DOCK8: variants seen among roughly 807,000 people sequenced by gnomAD.
DOCK8 encodes dedicator of cytokinesis 8, also known as dedicator of cytokinesis protein 8.
DOCK8 carries 141 observed loss-of-function variants against 245.6 expected under a neutral mutation model. The ratio of observed to expected loss-of-function variants is 0.57; its 90% CI spans 0.50 to 0.66. DOCK8 has a LOEUF of 0.66. DOCK8 is among the 30% of genes least tolerant of loss of function. The pLI, the probability that DOCK8 is intolerant of heterozygous loss-of-function variation, is 0.00. For synonymous variants in DOCK8, 1,168 were observed against 970.2 expected (o/e 1.20, Z -3.79); for missense variants, 2,965 against 2,603.4 (o/e 1.14, Z -3.02).
intron 5 of DOCK8, among the ~76,000 whole-genome samples, chr9:305,328 G>C (rs1253772457): frequency 4.6e-5 from 7 of 151,700 alleles, no homozygotes; most frequent in African/African-American, 1.7e-4. Flanking sequence ...TGTCGCCCAG[G>C]CTGGACTGCA....
intron 1 of DOCK8, among the ~76,000 whole-genome samples, chr9:229,850 C>G (rs978238204): frequency 1.6e-4 from 24 of 151,954 alleles, no homozygotes; most frequent in African/African-American, 5.8e-4. Flanking sequence ...ATGGTTTAAA[C>G]AAATTAGGGG....
chr9:215,024 C>G lies in DOCK8; in HGVS notation c.48C>G (p.Ile16Met), dbSNP rs1316350320. 1.9e-6 allele frequency: 3 copies of G among 1,587,374 alleles called. No individual in the cohort carries two copies. The highest frequency in any genetic ancestry group is 1.4e-5 in the African/African-American group (1 of 73,008). Residue 16 changes from isoleucine to methionine, a missense_variant, in exon 1 of 48, where the codon ATC becomes ATG. This residue lies in a region of DOCK8 where 2,825 missense variants were observed against 2,453.5 expected (regional missense o/e 1.15). Coordinates refer to ENST00000432829, the MANE Select transcript of DOCK8 (RefSeq NM_203447.4). ...AGCGCCGCGCGTTCGCGCTCAAGAT[C>G]AACAGGTAAGACGCCCCCCGCGGCG... ...SAERRAFALK[I>M]NRYSSAEIRK...
chr9:265,647 C>T (rs992807877), intron 1 of DOCK8, among the ~76,000 whole-genome samples: 9 of 152,132 alleles, frequency 5.9e-5, no homozygotes, highest in African/African-American at 2.2e-4. Flanking sequence ...TAAAATCCAT[C>T]CAGCCATTTT....
At chr9:381,996 T>C (rs10973253) in intron 21 of DOCK8, among the ~76,000 whole-genome samples, 16,604 of 151,832 alleles carry the variant, frequency 0.11, 2,642 homozygotes, top group African/African-American at 0.35. Context: ...ATCTCATAGA[T>C]TTCCATAACC....
intron 25 of DOCK8, 76 bp from the exon 26 acceptor site, chr9:399,070 A>T: frequency 7.3e-7 from 1 of 1,376,222 alleles, no homozygotes; most frequent in South Asian, 1.2e-5. Flanking sequence ...GTCTCTCCCA[A>T]TGTTCCCACC....
intron 26 of DOCK8, among the ~76,000 whole-genome samples, chr9:402,425 C>A (rs2055155058): frequency 6.6e-6 from 1 of 151,418 alleles, no homozygotes; most frequent in Non-Finnish European, 1.5e-5. Flanking sequence ...TGCAAAAAAA[C>A]TAGGCTGGAT....
chr9:265,565 C>T (rs2129846536), intron 1 of DOCK8, among the ~76,000 whole-genome samples: 1 of 152,220 alleles, frequency 6.6e-6, no homozygotes, highest in African/African-American at 2.4e-5. Flanking sequence ...ATGTCAGATT[C>T]AGGAAAACCT....
rs1389473711 is a variant in DOCK8, at chr9:390,544, C to A, written c.2948C>A (p.Ala983Asp). 1 of 1,614,144 alleles carries A rather than the reference C, an allele frequency of 6.2e-7. No homozygotes were observed. Among genetic ancestry groups the A allele is most frequent in the Non-Finnish European group, 8.5e-7 (1 of 1,179,992 alleles). ...GTGAGAGAAACAGTCTTCAAGTATG[C>A]CTGGTTCTTCTTTGAGCTTCTGGTG... The part of the protein sequence containing the change: ...GMVRETVFKY[A>D]WFFFELLVKS... Residue 983 changes from alanine to aspartate, a missense_variant, in exon 24 of 48, where the codon GCC becomes GAC. Ala to Asp is a moderately radical substitution (Grantham distance 126). Coordinates refer to ENST00000432829, the MANE Select transcript of DOCK8 (RefSeq NM_203447.4).
At chr9:247,818 A>C (rs560995565) in intron 1 of DOCK8, among the ~76,000 whole-genome samples, 2 of 152,064 alleles carry the variant, frequency 1.3e-5, no homozygotes, top group African/African-American at 4.8e-5. Context: ...ATTATGGCAG[A>C]GAAATGTTTG....
At chr9:244,180 T>A (rs1587651258) in intron 1 of DOCK8, among the ~76,000 whole-genome samples, 1 of 109,582 alleles carries the variant, frequency 9.1e-6, no homozygotes, top group Admixed American at 1.2e-4. Context: ...AGAGCCAGAC[T>A]CCGTCTGAAA....
At chr9:399,577 C>T (rs2054643292) in intron 26 of DOCK8, among the ~76,000 whole-genome samples, 1 of 152,084 alleles carries the variant, frequency 6.6e-6, no homozygotes, top group Non-Finnish European at 1.5e-5. Context: ...ACAGTGCTTT[C>T]AGTCTTTGAC....
intron 29 of DOCK8, among the ~76,000 whole-genome samples, chr9:416,021 T>C (rs187777024): frequency 1.3e-5 from 2 of 152,296 alleles, no homozygotes; most frequent in Non-Finnish European, 2.9e-5. Flanking sequence ...GAAAAGCAAG[T>C]ATTCCTGTGG....
intron 1 of DOCK8, chr9:215,550 C>T (rs1587595401): frequency 9.0e-7 from 1 of 1,111,398 alleles, no homozygotes; most frequent in East Asian, 3.2e-5. Context: ...GAGCTTGGCT[C>T]CTGGTGGCAT....
chr9:456,256 A>C (rs566989316), intron 46 of DOCK8: 1 of 152,368 alleles, frequency 6.6e-6, no homozygotes, highest in African/African-American at 2.4e-5. Flanking sequence ...TCTCAAGTCC[A>C]ATCTGGAAGT....
At chr9:420,882 T>G in intron 31 of DOCK8, 67 bp from the exon 32 acceptor site, 3 of 1,600,630 alleles carry the variant, frequency 1.9e-6, no homozygotes, top group African/African-American at 2.7e-5. Flanking sequence ...GTGTACTGTT[T>G]TGGTAACTCT....
intron 10 of DOCK8, 79 bp from the exon 11 acceptor site, chr9:334,146 T>C: frequency 1.3e-6 from 2 of 1,524,206 alleles, no homozygotes; most frequent in African/African-American, 1.4e-5. Flanking sequence ...ATTTTGGAGA[T>C]GGCTGTCATA....
chr9:397,145 A>G (rs1490424133), intron 25 of DOCK8, among the ~76,000 whole-genome samples: 1 of 152,144 alleles, frequency 6.6e-6, no homozygotes, highest in Non-Finnish European at 1.5e-5. Context: ...GGGGTTCGAG[A>G]CCTGCCTGGC....
At chr9:378,733 A>G (rs1172104011) in intron 20 of DOCK8, among the ~76,000 whole-genome samples, 2 of 152,266 alleles carry the variant, frequency 1.3e-5, no homozygotes. Context: ...TGGTGTGAGG[A>G]CCACAGGGTG....
intron 7 of DOCK8, among the ~76,000 whole-genome samples, chr9:323,925 G>A (rs932151686): frequency 3.3e-5 from 5 of 152,198 alleles, no homozygotes; most frequent in Non-Finnish European, 7.3e-5. Context: ...TCATGGACAA[G>A]TGGGTTACTT....
Sources: allele counts gnomAD v4.1 joint callset (sites outside exome capture counted in the v4.1 genomes callset), GRCh38; gene constraint gnomAD v4.1.1; regional missense constraint gnomAD v4.1.1; transcripts MANE v1.5; gene names NCBI Gene and HGNC (gene_info 2026-07-23, HGNC 2026-07-21).